CMBL: variants seen among roughly 807,000 people sequenced by gnomAD.
The protein encoded by CMBL is carboxymethylenebutenolidase homolog, also known as carboxymethylenebutenolidase homolog (Pseudomonas).
Under a neutral mutation model 28.7 loss-of-function variants are expected in CMBL, and 17 were observed. The observed-to-expected ratio is 0.59, with a 90% CI of 0.41 to 0.89. The LOEUF (loss-of-function observed/expected upper bound fraction) is 0.89, where lower values mean the gene tolerates loss of function less well. Among genes scored for constraint, CMBL ranks in the 40% least tolerant of loss-of-function variants. The pLI is 0.00. For synonymous variants in CMBL, 106 were observed against 101.6 expected, an observed-to-expected ratio of 1.04 and a Z score of -0.26; for missense variants, 310 against 298.5, an observed-to-expected ratio of 1.04 and a Z score of -0.28.
chr5:10,288,046 CA>C (rs1306023615), intron 3 of CMBL, among the ~76,000 whole-genome samples: 2 of 142,406 alleles, frequency 1.4e-5, no homozygotes, highest in East Asian at 4.8e-4. Context: ...ATTTTAATTA[CA>C]AAAAAAATCC....
intron 1 of CMBL, among the ~76,000 whole-genome samples, chr5:10,293,331 C>A (rs1031796323): frequency 3.9e-5 from 6 of 152,316 alleles, no homozygotes; most frequent in African/African-American, 1.4e-4. Flanking sequence ...GTTCAAGGGA[C>A]TGGCAGATGC....
Position 10,278,171 on chromosome 5 carries a change from C to T in CMBL, c.*2282G>A, listed in dbSNP as rs181530928. 2.2e-4 allele frequency among the ~76,000 whole-genome samples: 33 copies of T among 152,344 alleles called. No homozygotes were observed. The East Asian group carries it at 6.0e-3, about 28-fold the overall frequency. On this transcript the variant is annotated 3_prime_UTR_variant, in exon 6 of 6. Coordinates refer to ENST00000296658, the MANE Select transcript of CMBL (RefSeq NM_138809.4). ...GATGCAAAAACTGAGGCTCAGGAAG[C>T]TCAAGTTTGGGAATTCTTTGAATTT...
At chr5:10,282,560 A>G (rs1045747096) in intron 4 of CMBL, among the ~76,000 whole-genome samples, 1 of 152,130 alleles carries the variant, frequency 6.6e-6, no homozygotes, top group Non-Finnish European at 1.5e-5. Context: ...AGGCAGGTGG[A>G]TGGCTTGGGC....
At chr5:10,281,370 A>C (rs1179001750) in intron 5 of CMBL, among the ~76,000 whole-genome samples, 1 of 152,098 alleles carries the variant, frequency 6.6e-6, no homozygotes, top group South Asian at 2.1e-4. Context: ...GATGTGTGCC[A>C]CCATCCCAGC....
Position 10,282,182 on chromosome 5 carries a change from A to C in CMBL, c.558+15T>G. On this transcript the variant is annotated intron_variant, in intron 5 of 5. Transcript: ENST00000296658. ...CTCAAATAAATAAATACGAAGAGAAAAGATGCCAACTTACGTCCTTGAGTG... is the reference window on the plus strand; with the variant it reads ...CTCAAATAAATAAATACGAAGAGAACAGATGCCAACTTACGTCCTTGAGTG... 1 of 1,563,468 alleles carries C rather than the reference A, an allele frequency of 6.4e-7. No individual in the cohort carries two copies. The highest frequency in any genetic ancestry group is 8.8e-7 in the Non-Finnish European group (1 of 1,133,964).
Position 10,282,225 on chromosome 5 carries a change from T to C in CMBL, c.530A>G (p.Glu177Gly), listed in dbSNP as rs1165940721. 6.2e-7 allele frequency: 1 copy of C among 1,612,710 alleles called. No homozygotes were observed. Among genetic ancestry groups the C allele is most frequent in the Non-Finnish European group, 8.5e-7 (1 of 1,178,844 alleles). The change falls in exon 5 of 6, where the codon GAA becomes GGA. Residue 177 changes from glutamate to glycine, a missense_variant. Glu to Gly is a moderately conservative substitution (Grantham distance 98). Transcript: ENST00000296658. Reference sequence around the variant, plus strand: ...CTTGAGTGGAATCACAACATCATTTTCAGCAAAAATGAACAAAGTGGGGTT... The same window carrying C: ...CTTGAGTGGAATCACAACATCATTTCCAGCAAAAATGAACAAAGTGGGGTT... ...LKNPTLFIFA[E>G]NDVVIPLKDV... is the part of the protein sequence containing the mutation.
chr5:10,277,665 G>T lies in CMBL; in HGVS notation c.*2788C>A, dbSNP rs1202391179. On this transcript the variant is annotated 3_prime_UTR_variant, in exon 6 of 6. Transcript: ENST00000296658. ...ATACATGGGGAAAAAAGCTAAAGTTGCCATTTTTTCCCTTTACCTTCATTT... is the reference window on the plus strand; with the variant it reads ...ATACATGGGGAAAAAAGCTAAAGTTTCCATTTTTTCCCTTTACCTTCATTT... Among the ~76,000 whole-genome samples the T allele has an allele frequency of 6.6e-6, 1 of 152,052 alleles. No individual in the cohort carries two copies. Among genetic ancestry groups the T allele is most frequent in the African/African-American group, 2.4e-5 (1 of 41,412 alleles).
intron 1 of CMBL, among the ~76,000 whole-genome samples, chr5:10,305,623 G>A (rs554308389): frequency 6.6e-6 from 1 of 152,228 alleles, no homozygotes; most frequent in South Asian, 2.1e-4. Context: ...CCAGGCTGGA[G>A]TGCAATGGTG....
chr5:10,286,949 G>A (rs1345663558), intron 3 of CMBL, among the ~76,000 whole-genome samples: 5 of 152,096 alleles, frequency 3.3e-5, no homozygotes, highest in East Asian at 1.9e-4. Context: ...ATGGGCAGAC[G>A]CCCAGACACT....
At position 10,290,665 on chromosome 5, in the gene CMBL, T is replaced by C; in HGVS notation, c.98A>G (p.Tyr33Cys). 1.2e-6 allele frequency: 2 copies of C among 1,614,220 alleles called. No individual in the cohort carries two copies. The highest frequency in any genetic ancestry group is 1.3e-5 in the African/African-American group (1 of 75,064). Residue 33 changes from tyrosine (Y) to cysteine (C), a missense_variant, in exon 2 of 6, where the codon TAT becomes TGT. Tyr to Cys is a radical substitution (Grantham distance 194, BLOSUM62 -2). Transcript: ENST00000296658. ...REVQVEHIKA[Y>C]VTKSPVDAGK... ...TGCATCAACGGGGGATTTGGTGACA[T>C]AAGCCTTGATGTGCTCGACTTGAAC...
chr5:10,286,599 G>T, intron 3 of CMBL, 103 bp from the exon 4 acceptor site: 2 of 1,061,460 alleles, frequency 1.9e-6, no homozygotes, highest in Non-Finnish European at 2.6e-6. Flanking sequence ...TGTTTTTGAA[G>T]TTGCCAAGGT....
chr5:10,297,569 CAAAA>C (rs551779818), intron 1 of CMBL, among the ~76,000 whole-genome samples: 2 of 65,446 alleles, frequency 3.1e-5, no homozygotes. Flanking sequence ...AACTCTATCT[CAAAA>C]AAAAAAAAAA....
chr5:10,294,503 G>A (rs1177281297), intron 1 of CMBL, among the ~76,000 whole-genome samples: 1 of 152,006 alleles, frequency 6.6e-6, no homozygotes, highest in East Asian at 1.9e-4. Context: ...GGTCGAGGCT[G>A]CAGTGAGTCA....
intron 1 of CMBL, among the ~76,000 whole-genome samples, chr5:10,293,237 G>A (rs929786020): frequency 6.6e-6 from 1 of 152,212 alleles, no homozygotes; most frequent in Non-Finnish European, 1.5e-5. Context: ...GTCCATTCAG[G>A]CTGTTATAAC....
chr5:10,291,438 G>A (rs1257921655), intron 1 of CMBL, among the ~76,000 whole-genome samples: 17 of 152,032 alleles, frequency 1.1e-4, no homozygotes, highest in African/African-American at 2.2e-4. Flanking sequence ...CGAGGCGGGC[G>A]GATCACGAGG....
chr5:10,306,044 T>C, intron 1 of CMBL, among the ~76,000 whole-genome samples: 1 of 152,356 alleles, frequency 6.6e-6, no homozygotes, highest in Middle Eastern at 3.4e-3. Flanking sequence ...TTATCACTTT[T>C]ATATCTGTAT....
chr5:10,291,399 A>G (rs1746713506), intron 1 of CMBL, among the ~76,000 whole-genome samples: 2 of 152,132 alleles, frequency 1.3e-5, no homozygotes, highest in Non-Finnish European at 2.9e-5. Context: ...GCGGTGGCTC[A>G]CGCCTGTAAT....
At chr5:10,292,552 T>C (rs559828290) in intron 1 of CMBL, among the ~76,000 whole-genome samples, 77 of 152,150 alleles carry the variant, frequency 5.1e-4, no homozygotes, top group African/African-American at 1.6e-3. Flanking sequence ...GGACCAGGCA[T>C]GGTGGCTCAC....
Position 10,285,686 on chromosome 5 carries a change from T to TTC in CMBL, c.466+666_466+667dup, listed in dbSNP as rs67718297. ...GAAAAATCAGTCTTTCTTTCTTTCT[T>TTC]TCTCTTTCTTTTTCTTTTTTTTTTT... On this transcript the variant is annotated intron_variant, in intron 4 of 5. Transcript: ENST00000296658. Among the ~76,000 whole-genome samples the TTC allele has an allele frequency of 1.9e-3, 153 of 79,050 alleles. 2 individuals are homozygous for TTC. Among genetic ancestry groups the TTC allele is most frequent in the African/African-American group, 4.4e-3 (144 of 32,678 alleles). 51.9% of individuals were successfully genotyped at this position (79,050 alleles called of 152,430 possible).
Sources: allele counts gnomAD v4.1 joint callset (sites outside exome capture counted in the v4.1 genomes callset), GRCh38; gene constraint gnomAD v4.1.1; transcripts MANE v1.5; gene names NCBI Gene and HGNC (gene_info 2026-07-23, HGNC 2026-07-21).